The following PTPRD variants were observed in gnomAD, a reference collection of about 807,000 sequenced individuals.
PTPRD encodes receptor-type tyrosine-protein phosphatase delta.
Under a neutral mutation model 214.5 loss-of-function variants are expected in PTPRD, and 34 were observed. The observed-to-expected ratio is 0.16, with a 90% confidence interval of 0.12 to 0.21. The LOEUF (loss-of-function observed/expected upper bound fraction) is 0.21. Ranked by LOEUF, PTPRD falls within the 10% of genes least tolerant of loss-of-function variation. The pLI, the probability that PTPRD is intolerant of heterozygous loss-of-function variation, is 1.00. For missense variants in PTPRD, 2,545 were observed against 2,398.7 expected (o/e 1.06, Z -1.27); for synonymous variants, 1,128 against 845.7 (o/e 1.33, Z -5.79).
intron 14 of PTPRD, among the ~76,000 whole-genome samples, chr9:8,596,928 T>C (rs1366835457): frequency 2.6e-5 from 4 of 152,122 alleles, no homozygotes; most frequent in African/African-American, 9.6e-5. Flanking sequence ...TAGCTAAATA[T>C]CTAACAGGAT....
intron 11 of PTPRD, among the ~76,000 whole-genome samples, chr9:8,842,057 T>C (rs998417457): frequency 2.0e-5 from 3 of 151,962 alleles, no homozygotes; most frequent in Admixed American, 6.6e-5. Context: ...GAAGTATTTT[T>C]TTAAACAAAA....
chr9:8,383,915 A>G (rs1164130856), intron 37 of PTPRD, among the ~76,000 whole-genome samples: 1 of 152,200 alleles, frequency 6.6e-6, no homozygotes, highest in East Asian at 1.9e-4. Context: ...TCAACTGCTA[A>G]TACTAATCAG....
intron 9 of PTPRD, among the ~76,000 whole-genome samples, chr9:9,308,721 T>C (rs575639080): frequency 2.4e-4 from 37 of 152,326 alleles, no homozygotes; most frequent in African/African-American, 8.7e-4. Context: ...CACTTATTTT[T>C]GGAAAGAGTT....
intron 8 of PTPRD, among the ~76,000 whole-genome samples, chr9:9,408,208 A>T (rs528541780): frequency 6.6e-6 from 1 of 151,998 alleles, no homozygotes; most frequent in East Asian, 1.9e-4. Context: ...TTTCTTAAAC[A>T]TTCTGACAGC....
chr9:10,065,844 G>C lies in PTPRD; in HGVS notation c.-544-32054C>G, dbSNP rs144203533. On this transcript the variant is annotated intron_variant, in intron 3 of 45. Transcript: ENST00000381196. ...ATCAATCATGACCAGTTATACTGGG[G>C]GGAGTGGGCTGAGACAACTGGTGTC... Among the ~76,000 whole-genome samples the C allele has an allele frequency of 4.6e-5, 7 of 152,000 alleles. No homozygotes were observed. In the South Asian group the frequency reaches 1.5e-3, roughly 32 times the overall value.
chr9:10,019,219 A>G (rs1481440776), intron 4 of PTPRD, among the ~76,000 whole-genome samples: 1 of 151,988 alleles, frequency 6.6e-6, no homozygotes, highest in South Asian at 2.1e-4. Flanking sequence ...AATCAAAACC[A>G]CAGTGAGATA....
Position 8,418,541 on chromosome 9 carries a change from A to C in PTPRD, c.4087-13881T>G, listed in dbSNP as rs953851503. On this transcript the variant is annotated intron_variant, in intron 35 of 45. Transcript: ENST00000381196. ...GTGTAGTCTAGAAAATGGCTAGCCCAGTGCATGTAAAATGTATGTAAAATA... is the reference window on the plus strand; with the variant it reads ...GTGTAGTCTAGAAAATGGCTAGCCCCGTGCATGTAAAATGTATGTAAAATA... 2.6e-5 allele frequency among the ~76,000 whole-genome samples: 4 copies of C among 152,098 alleles called. No homozygotes were observed. The East Asian group carries it at 7.7e-4, about 29-fold the overall frequency.
At chr9:8,661,538 T>G (rs1232984128) in intron 12 of PTPRD, among the ~76,000 whole-genome samples, 2 of 152,138 alleles carry the variant, frequency 1.3e-5, no homozygotes, top group African/African-American at 4.8e-5. Context: ...AAAGTTCACT[T>G]TAAAAGTTTA....
intron 9 of PTPRD, among the ~76,000 whole-genome samples, chr9:9,272,845 T>G (rs905566479): frequency 3.3e-5 from 5 of 151,292 alleles, no homozygotes; most frequent in African/African-American, 1.2e-4. Flanking sequence ...TCTGTGGTGA[T>G]GCAGTGAGCT....
chr9:8,717,519 T>G (rs991334286), intron 12 of PTPRD, among the ~76,000 whole-genome samples: 1 of 152,112 alleles, frequency 6.6e-6, no homozygotes, highest in African/African-American at 2.4e-5. Flanking sequence ...CTCCAACGCA[T>G]CCTCCACATA....
chr9:10,564,138 A>G (rs1591015617), intron 2 of PTPRD, among the ~76,000 whole-genome samples: 1 of 107,286 alleles, frequency 9.3e-6, no homozygotes, highest in African/African-American at 3.5e-5. Context: ...TGCTGGGACT[A>G]CTCGGGAGTG....
chr9:9,723,178 A>C (rs1399407483), intron 7 of PTPRD, among the ~76,000 whole-genome samples: 1 of 152,012 alleles, frequency 6.6e-6, no homozygotes, highest in Non-Finnish European at 1.5e-5. Context: ...CCTGTGATCT[A>C]TTTTGAGTTA....
chr9:9,261,837 G>A (rs915517307), intron 9 of PTPRD, among the ~76,000 whole-genome samples: 2 of 151,834 alleles, frequency 1.3e-5, no homozygotes, highest in East Asian at 3.9e-4. Flanking sequence ...TGCAAGGAGT[G>A]GAAGTGAGAA....
chr9:10,471,784 G>T (rs779934281), intron 2 of PTPRD, among the ~76,000 whole-genome samples: 1 of 152,010 alleles, frequency 6.6e-6, no homozygotes, highest in Non-Finnish European at 1.5e-5. Context: ...AAGTTGAAGA[G>T]ATGTCAGAAA....
At chr9:8,502,161 T>A (rs2097424538) in intron 23 of PTPRD, among the ~76,000 whole-genome samples, 1 of 152,110 alleles carries the variant, frequency 6.6e-6, no homozygotes, top group African/African-American at 2.4e-5. Flanking sequence ...ATTATGATTT[T>A]AAAAAATTAA....
At chr9:10,309,782 T>A (rs947260324) in intron 3 of PTPRD, among the ~76,000 whole-genome samples, 1 of 151,950 alleles carries the variant, frequency 6.6e-6, no homozygotes. Context: ...AAATTTGACG[T>A]CAATTTAAAC....
chr9:10,444,165 G>C (rs1052335365), intron 2 of PTPRD, among the ~76,000 whole-genome samples: 3 of 151,762 alleles, frequency 2.0e-5, no homozygotes, highest in Non-Finnish European at 4.4e-5. Flanking sequence ...ATCAGCTTAT[G>C]TTAGGTGACT....
chr9:9,128,381 A>G (rs571750495), intron 10 of PTPRD, among the ~76,000 whole-genome samples: 8 of 152,342 alleles, frequency 5.3e-5, no homozygotes, highest in Non-Finnish European at 1.0e-4. Flanking sequence ...TCCAAGTATT[A>G]GTAAACAGAT....
intron 5 of PTPRD, among the ~76,000 whole-genome samples, chr9:9,930,596 G>A (rs1430882355): frequency 6.6e-6 from 1 of 152,060 alleles, no homozygotes; most frequent in Non-Finnish European, 1.5e-5. Flanking sequence ...ATCTTATTGT[G>A]ATTATATAAT....
Sources: gnomAD v4.1 joint callset for allele counts (sites outside exome capture counted in the v4.1 genomes callset) on GRCh38, gnomAD v4.1.1 for gene constraint, MANE v1.5 for transcripts, NCBI Gene and HGNC (gene_info 2026-07-23, HGNC 2026-07-21) for gene names.